CNTN4: variants seen among roughly 807,000 people sequenced by gnomAD.
The protein encoded by CNTN4 is contactin 4.
Under a neutral mutation model 122.5 loss-of-function variants are expected in CNTN4, and 77 were observed. The ratio of observed to expected loss-of-function variants is 0.63; its 90% CI spans 0.52 to 0.76. The LOEUF (loss-of-function observed/expected upper bound fraction) is 0.76, where lower values mean the gene tolerates loss of function less well. Among genes scored for constraint, CNTN4 ranks in the 30% least tolerant of loss-of-function variants. The pLI, the probability that CNTN4 is intolerant of heterozygous loss-of-function variation, is 0.00. For missense variants in CNTN4, 1,256 were observed against 1,259.1 expected (o/e 1.00, Z 0.04); for synonymous variants, 512 against 447.0 (o/e 1.15, Z -1.83).
intron 2 of CNTN4, among the ~76,000 whole-genome samples, chr3:2,260,448 C>T (rs1022320991): frequency 6.6e-5 from 10 of 151,744 alleles, no homozygotes; most frequent in Non-Finnish European, 1.5e-4. Flanking sequence ...GACAATTTTC[C>T]AATTCAAGGT....
At chr3:2,720,161 A>G (rs949168088) in intron 4 of CNTN4, among the ~76,000 whole-genome samples, 4 of 152,094 alleles carry the variant, frequency 2.6e-5, no homozygotes, top group African/African-American at 4.8e-5. Context: ...ATTATAGGGA[A>G]TTTTTTGTTG....
intron 7 of CNTN4, among the ~76,000 whole-genome samples, chr3:2,856,988 C>T (rs1463744680): frequency 1.3e-5 from 2 of 152,154 alleles, no homozygotes; most frequent in African/African-American, 2.4e-5. Context: ...GAACCTGACA[C>T]AGGCAAAAGA....
intron 12 of CNTN4, among the ~76,000 whole-genome samples, chr3:2,914,501 A>G (rs1371820311): frequency 6.6e-6 from 1 of 152,204 alleles, no homozygotes; most frequent in Non-Finnish European, 1.5e-5. Flanking sequence ...AAAGACCACT[A>G]TAAATAATTA....
intron 3 of CNTN4, among the ~76,000 whole-genome samples, chr3:2,512,329 T>A (rs927535986): frequency 2.6e-5 from 4 of 152,126 alleles, no homozygotes; most frequent in African/African-American, 4.8e-5. Context: ...TGCTTTTGAA[T>A]GCACCACTTC....
Position 3,056,360 on chromosome 3 carries a change from A to G in CNTN4, c.*140A>G. On this transcript the variant is annotated 3_prime_UTR_variant, in exon 25 of 25. Transcript: ENST00000418658. ...AAAAATGTTTTTTGCTTCTTTAGGA[A>G]TGGCATTATACAGTACTTCCTCAAA... is the stretch of plus-strand genomic sequence containing the variant. 1.5e-6 allele frequency: 1 copy of G among 687,750 alleles called. No individual in the cohort carries two copies. The highest frequency in any genetic ancestry group is 2.1e-5 in the Admixed American group (1 of 47,950). 42.6% of individuals were successfully genotyped at this position (687,750 alleles called of 1,614,324 possible). A position where few individuals can be genotyped will look rare whatever the true frequency, so the allele number is the denominator to read the frequency against.
intron 2 of CNTN4, among the ~76,000 whole-genome samples, chr3:2,282,858 C>G (rs1000164434): frequency 6.6e-6 from 1 of 152,130 alleles, no homozygotes; most frequent in Admixed American, 6.6e-5. Context: ...GTTGGATGAA[C>G]TTTGAAAATA....
intron 2 of CNTN4, among the ~76,000 whole-genome samples, chr3:2,162,455 G>C (rs897967502): frequency 2.0e-5 from 3 of 152,138 alleles, no homozygotes; most frequent in African/African-American, 7.2e-5. Flanking sequence ...ATTTCTCCCA[G>C]CTACCTATCA....
chr3:2,816,223 G>A (rs571199428), intron 6 of CNTN4, among the ~76,000 whole-genome samples: 52 of 136,160 alleles, frequency 3.8e-4, no homozygotes, highest in African/African-American at 1.6e-3. Flanking sequence ...GCGTGGTGGC[G>A]GGCGCCTGTA....
At chr3:2,772,521 G>A (rs2091150088) in intron 6 of CNTN4, among the ~76,000 whole-genome samples, 1 of 152,074 alleles carries the variant, frequency 6.6e-6, no homozygotes, top group Non-Finnish European at 1.5e-5. Context: ...GTTAGGGTTG[G>A]AGATTAAGAG....
rs903529560 is a variant in CNTN4 at position 2,420,096 on chromosome 3, C to G, written c.-89+80863C>G. On this transcript the variant is annotated intron_variant, in intron 3 of 24. Coordinates refer to ENST00000418658, the MANE Select transcript of CNTN4 (RefSeq NM_175607.3). The stretch of plus-strand genomic sequence containing the variant: ...GCAATAGTACAAGCAAGCATTGTGA[C>G]TCCCTGCAGCTGGTGCTGTCAGTGC... Among the ~76,000 whole-genome samples the G allele has an allele frequency of 3.3e-5, 5 of 152,168 alleles. 1 individual carries two copies. The South Asian group carries it at 6.2e-4, about 19-fold the overall frequency.
chr3:2,845,383 A>C lies in CNTN4; in HGVS notation c.455-21369A>C, dbSNP rs370499790. Among the ~76,000 whole-genome samples the C allele has an allele frequency of 3.3e-5, 5 of 152,106 alleles. No homozygotes were observed. In the East Asian group the frequency reaches 5.8e-4, roughly 18 times the overall value. On this transcript the variant is annotated intron_variant, in intron 7 of 24. Transcript: ENST00000418658. ...AAGGTAAGAGTTACATTGTTCTTAC[A>C]TGAAAATATTGACAAATAATAAATT... is the stretch of plus-strand genomic sequence containing the variant.
chr3:2,236,786 G>T (rs2039696976), intron 2 of CNTN4, among the ~76,000 whole-genome samples: 1 of 152,162 alleles, frequency 6.6e-6, no homozygotes, highest in Non-Finnish European at 1.5e-5. Context: ...ACTCTCATTT[G>T]GTGGGCAGTT....
At chr3:2,603,004 C>A (rs2149760291) in intron 4 of CNTN4, among the ~76,000 whole-genome samples, 1 of 152,160 alleles carries the variant, frequency 6.6e-6, no homozygotes, top group African/African-American at 2.4e-5. Context: ...TTAGTAAATA[C>A]AATTATGAGA....
intron 3 of CNTN4, among the ~76,000 whole-genome samples, chr3:2,379,015 T>C (rs2045922855): frequency 6.6e-6 from 1 of 152,222 alleles, no homozygotes; most frequent in Non-Finnish European, 1.5e-5. Context: ...CATTGCCATG[T>C]AGGTTAAATG....
chr3:2,621,553 C>T lies in CNTN4; in HGVS notation c.55+49995C>T, dbSNP rs140392668. On this transcript the variant is annotated intron_variant, in intron 4 of 24. Coordinates refer to ENST00000418658, the MANE Select transcript of CNTN4 (RefSeq NM_175607.3). ...AGGAGAAATACCTAATGTAGATGAC[C>T]GGTTGATGGGTGCAGCAAACCACCA... Among the ~76,000 whole-genome samples, 623 of 151,898 alleles carry T rather than the reference C, an allele frequency of 4.1e-3. 2 individuals carry two copies. Among genetic ancestry groups the T allele is most frequent in the African/African-American group, 0.013 (533 of 41,420 alleles).
intron 4 of CNTN4, among the ~76,000 whole-genome samples, chr3:2,603,848 G>A (rs2081148934): frequency 6.6e-6 from 1 of 152,194 alleles, no homozygotes. Flanking sequence ...TGGTGTAGTT[G>A]TGCTACAGTA....
At chr3:2,896,049 T>A (rs369144620) in intron 10 of CNTN4, among the ~76,000 whole-genome samples, 1 of 151,540 alleles carries the variant, frequency 6.6e-6, no homozygotes, top group African/African-American at 2.4e-5. Flanking sequence ...AATAAATAAA[T>A]AAAAATCAAA....
In CNTN4 at chr3:2,888,501, T is replaced by C. The variant is rs150142677; in HGVS notation, c.940+1277T>C. On this transcript the variant is annotated intron_variant, in intron 10 of 24. Transcript: ENST00000418658. ...GGGGTTTCATGTCCTCTGGTCTACC[T>C]TTTGACATCACAGGGCCAAAACCTC... Among the ~76,000 whole-genome samples the C allele has an allele frequency of 1.3e-3, 197 of 152,254 alleles. 4 individuals carry two copies. The highest frequency in any genetic ancestry group is 4.5e-3 in the African/African-American group (187 of 41,548).
At chr3:2,533,827 T>C (rs1335595015) in intron 3 of CNTN4, among the ~76,000 whole-genome samples, 5 of 152,214 alleles carry the variant, frequency 3.3e-5, no homozygotes, top group Non-Finnish European at 7.3e-5. Context: ...TGGTGTCTCA[T>C]TGTGGTTTTG....
Sources: allele counts gnomAD v4.1 joint callset (sites outside exome capture counted in the v4.1 genomes callset), GRCh38; gene constraint gnomAD v4.1.1; transcripts MANE v1.5; gene names NCBI Gene and HGNC (gene_info 2026-07-23, HGNC 2026-07-21).